TRRAP: variants seen among roughly 807,000 people sequenced by gnomAD.
The protein encoded by TRRAP is transformation/transcription domain associated protein, also known as transformation/transcription domain-associated protein.
A neutral mutation model predicts 438.8 loss-of-function variants in TRRAP; 41 were observed. The observed-to-expected ratio is 0.09, with a 90% confidence interval of 0.07 to 0.12. The LOEUF (loss-of-function observed/expected upper bound fraction) is 0.12. Among genes scored for constraint, TRRAP ranks in the 10% least tolerant of loss-of-function variants. TRRAP has a pLI of 1.00. For synonymous variants in TRRAP, 1,994 were observed against 1,962.9 expected (o/e 1.02, Z -0.42); for missense variants, 3,122 against 5,055.1 (o/e 0.62, Z 11.60).
chr7:99,007,209 G>A (rs750519639), intron 69 of TRRAP, among the ~76,000 whole-genome samples: 1 of 152,150 alleles, frequency 6.6e-6, no homozygotes, highest in Non-Finnish European at 1.5e-5. Flanking sequence ...TCCAAAGATG[G>A]GGCACAGCCG....
rs771396011 is a variant in TRRAP, at chr7:98,965,748, A to G, written c.7029A>G (p.Ala2343=). ...LSLELVKTRL[A]VMSMEMRKNF... The stretch of plus-strand genomic sequence containing the variant: ...TGGAGCTGGTGAAGACGCGCCTGGC[A>G]GTGATGAGCATGGAGATGCGGAAGA... The change falls in exon 49 of 73, where the codon GCA becomes GCG. Residue 2343 remains alanine, a synonymous_variant. Coordinates refer to ENST00000456197, the MANE Select transcript of TRRAP (RefSeq NM_001375524.1). The G allele has an allele frequency of 1.2e-6, 2 of 1,614,040 alleles. No homozygotes were observed. Among genetic ancestry groups the G allele is most frequent in the South Asian group, 1.1e-5 (1 of 91,082 alleles).
At chr7:98,906,360 G>A in intron 13 of TRRAP, 105 bp downstream of exon 13, 2 of 732,382 alleles carry the variant, frequency 2.7e-6, no homozygotes, top group Admixed American at 2.4e-5. Context: ...GTTGAGCCTT[G>A]ACACACCTGT....
intron 51 of TRRAP, among the ~76,000 whole-genome samples, chr7:98,968,990 C>G (rs1357971001): frequency 6.6e-6 from 1 of 152,158 alleles, no homozygotes; most frequent in African/African-American, 2.4e-5. Context: ...GGGAAGGGCA[C>G]AAGCCAAGAG....
intron 39 of TRRAP, 148 bp from the exon 40 acceptor site, chr7:98,953,019 C>T (rs1412908755): frequency 2.0e-6 from 2 of 1,002,230 alleles, no homozygotes; most frequent in Non-Finnish European, 2.7e-6. Flanking sequence ...CCTTGTAAAA[C>T]TTCATGTTAC....
intron 40 of TRRAP, among the ~76,000 whole-genome samples, chr7:98,953,769 G>A (rs868913043): frequency 6.6e-5 from 10 of 152,234 alleles, no homozygotes; most frequent in African/African-American, 2.2e-4. Context: ...ACTGGGCTGT[G>A]CACCCAAAAA....
At position 98,878,585 on chromosome 7, in the gene TRRAP, G is replaced by C. The variant is rs1795267762; in HGVS notation, c.-114G>C. 6.6e-6 allele frequency: 1 copy of C among 150,964 alleles called. No homozygotes were observed. The highest frequency in any genetic ancestry group is 2.4e-5 in the African/African-American group (1 of 41,238). The allele number at this position is 150,964 out of a possible 1,614,324, so 9.4% of individuals were successfully genotyped here. A position where few individuals can be genotyped will look rare whatever the true frequency, so the allele number is the denominator to read the frequency against. On this transcript the variant is annotated 5_prime_UTR_variant, in exon 1 of 73. Transcript: ENST00000456197. Reference sequence around the variant, plus strand: ...GCGGTTGCGACGAGGGCTCGGCTGGGGGTCGCCGGGGTCGCGGGCCGGGCC... The same window carrying C: ...GCGGTTGCGACGAGGGCTCGGCTGGCGGTCGCCGGGGTCGCGGGCCGGGCC...
rs1401193338 is a variant in TRRAP, at chr7:99,005,040, C to T, written c.10536-91C>T. ...CGCTGGCCTACACAGTCCGTTTTCC[C>T]GTGACAGTTCGGACATTCCTAGCTT... On this transcript the variant is annotated intron_variant, in intron 68 of 72. Transcript: ENST00000456197. This position sits in a 1 kb window ranked among gnomAD's most constrained non-coding sequence, Gnocchi z 5.1. The T allele has an allele frequency of 4.5e-6, 6 of 1,343,410 alleles. No homozygotes were observed. Among genetic ancestry groups the T allele is most frequent in the South Asian group, 3.7e-5 (3 of 81,958 alleles). The allele number at this position is 1,343,410 out of a possible 1,614,324, so 83.2% of individuals were successfully genotyped here.
At chr7:98,971,461 T>A (rs1036899728) in intron 52 of TRRAP, among the ~76,000 whole-genome samples, 1 of 152,244 alleles carries the variant, frequency 6.6e-6, no homozygotes, top group African/African-American at 2.4e-5. Context: ...GCTGGGCGAC[T>A]GTATTGCATT....
At chr7:98,921,991 G>C in intron 21 of TRRAP, 38 bp downstream of exon 21, 1 of 1,613,030 alleles carries the variant, frequency 6.2e-7, no homozygotes, top group Non-Finnish European at 8.5e-7. Flanking sequence ...TTTAAGCCTT[G>C]TGAAGATACT....
chr7:98,892,363 A>T (rs1433258871), intron 4 of TRRAP, 61 bp from the exon 5 acceptor site: 66 of 1,367,988 alleles, frequency 4.8e-5, no homozygotes, highest in Non-Finnish European at 6.4e-5. Context: ...AGTGTGAGAT[A>T]ATTAATTTGG....
intron 22 of TRRAP, among the ~76,000 whole-genome samples, chr7:98,925,703 A>G (rs1443822842): frequency 6.6e-6 from 1 of 152,224 alleles, no homozygotes; most frequent in Non-Finnish European, 1.5e-5. Context: ...GCATGACCTT[A>G]ATGTAATGAT....
chr7:98,949,292 G>T, intron 35 of TRRAP, 125 bp from the exon 36 acceptor site: 1 of 1,186,608 alleles, frequency 8.4e-7, no homozygotes, highest in South Asian at 3.0e-5. Flanking sequence ...TGCTTTTTTG[G>T]TAAGCCTTCT....
At position 98,956,660 on chromosome 7, in the gene TRRAP, G is replaced by A; in HGVS notation, c.6231+127G>A. On this transcript the variant is annotated intron_variant, in intron 43 of 72. Transcript: ENST00000456197. This position sits in a 1 kb window ranked among gnomAD's most constrained non-coding sequence, Gnocchi z 4.5. Reference sequence around the variant, plus strand: ...GGAGAGGAAGCTGGGAACAGCCACGGTCACCAGATTGAAACTCCAGGACAT... The same window carrying A: ...GGAGAGGAAGCTGGGAACAGCCACGATCACCAGATTGAAACTCCAGGACAT... 6.9e-7 allele frequency: 1 copy of A among 1,451,764 alleles called. No homozygotes were observed. Among genetic ancestry groups the A allele is most frequent in the Non-Finnish European group, 9.2e-7 (1 of 1,092,392 alleles). The allele number at this position is 1,451,764 out of a possible 1,614,324, so 89.9% of individuals were successfully genotyped here.
At position 98,930,674 on chromosome 7, in the gene TRRAP, G is replaced by C; in HGVS notation, c.3435G>C (p.Leu1145=). Residue 1145 remains leucine, a synonymous_variant, in exon 25 of 73, where the codon CTG becomes CTC. Coordinates refer to ENST00000456197, the MANE Select transcript of TRRAP (RefSeq NM_001375524.1). ...LPLFSYIVER[L]CACCYEQAWY... is the part of the protein sequence containing the mutation. ...TGTTTTCTTACATCGTGGAGCGCCT[G>C]TGTGCATGTTGTTATGAACAGGCGT... 6.2e-7 allele frequency: 1 copy of C among 1,614,176 alleles called. No homozygotes were observed. Among genetic ancestry groups the C allele is most frequent in the South Asian group, 1.1e-5 (1 of 91,080 alleles).
chr7:98,880,112 G>A (rs1370841813), intron 1 of TRRAP, among the ~76,000 whole-genome samples: 2 of 152,098 alleles, frequency 1.3e-5, no homozygotes, highest in Non-Finnish European at 2.9e-5. Context: ...TCCCGTGCCC[G>A]TCACGTAACC....
intron 8 of TRRAP, 120 bp downstream of exon 8, chr7:98,897,986 G>A: frequency 2.0e-6 from 3 of 1,488,148 alleles, no homozygotes; most frequent in South Asian, 2.5e-5. Context: ...TGTGTGCCTG[G>A]CAAAGCATCA....
chr7:98,898,762 ATTGTACT>A (rs562186695), intron 8 of TRRAP, among the ~76,000 whole-genome samples: 2 of 152,206 alleles, frequency 1.3e-5, no homozygotes, highest in Non-Finnish European at 2.9e-5. Context: ...TGCTGAGTAA[ATTGTACT>A]TTGTGCTGTT....
chr7:98,947,449 T>G (rs1791134899), intron 33 of TRRAP, among the ~76,000 whole-genome samples: 4 of 146,422 alleles, frequency 2.7e-5, no homozygotes, highest in Middle Eastern at 3.4e-3. Flanking sequence ...GTTTGTGTGG[T>G]TTTTTTTTTC....
intron 19 of TRRAP, among the ~76,000 whole-genome samples, chr7:98,916,901 C>T (rs947597542): frequency 6.6e-6 from 1 of 152,120 alleles, no homozygotes; most frequent in Non-Finnish European, 1.5e-5. Context: ...CTGTGCCGTG[C>T]AGGACGTGCC....
Sources: gnomAD v4.1 joint callset for allele counts (sites outside exome capture counted in the v4.1 genomes callset) on GRCh38, gnomAD v4.1.1 for gene constraint, Gnocchi (gnomAD v3.1) non-coding constraint, MANE v1.5 for transcripts, NCBI Gene and HGNC (gene_info 2026-07-23, HGNC 2026-07-21) for gene names.